The following EXOC4 variants were observed in gnomAD, a reference collection of about 807,000 sequenced individuals.
EXOC4 encodes the protein SEC8-like 1.
A neutral mutation model predicts 107.2 loss-of-function variants in EXOC4; 71 were observed. The observed-to-expected ratio is 0.66, with a 90% CI of 0.55 to 0.81. EXOC4 has a LOEUF of 0.81. Ranked by LOEUF, EXOC4 falls within the 30% of genes least tolerant of loss-of-function variation. The pLI is 0.00. For synonymous variants in EXOC4, 456 were observed against 441.2 expected (o/e 1.03, Z -0.42); for missense variants, 1,108 against 1,189.6 (o/e 0.93, Z 1.01).
chr7:133,989,169 A>G (rs1200260334), intron 14 of EXOC4, among the ~76,000 whole-genome samples: 2 of 152,208 alleles, frequency 1.3e-5, no homozygotes, highest in Admixed American at 6.5e-5. Context: ...TTTGCTAGAG[A>G]GAGTCAAAAA....
chr7:133,758,652 T>C (rs1458267595), intron 10 of EXOC4, among the ~76,000 whole-genome samples: 1 of 152,246 alleles, frequency 6.6e-6, no homozygotes, highest in African/African-American at 2.4e-5. Flanking sequence ...TTCACTTATA[T>C]TTCGAGAATG....
chr7:133,826,231 C>T (rs957769044), intron 11 of EXOC4, among the ~76,000 whole-genome samples: 17 of 152,194 alleles, frequency 1.1e-4, no homozygotes, highest in African/African-American at 3.6e-4. Context: ...TGATAACATT[C>T]GTCCATGTTT....
intron 13 of EXOC4, among the ~76,000 whole-genome samples, chr7:133,935,128 CCCCA>C (rs1172117000): frequency 1.3e-5 from 2 of 151,876 alleles, no homozygotes; most frequent in African/African-American, 2.4e-5. Context: ...TGCACCATTG[CCCCA>C]CCATCTTTGG....
At chr7:133,347,001 A>G (rs752806301) in intron 5 of EXOC4, among the ~76,000 whole-genome samples, 5 of 152,294 alleles carry the variant, frequency 3.3e-5, no homozygotes, top group African/African-American at 7.2e-5. Flanking sequence ...GGTATGGCAT[A>G]TATTACTGAT....
chr7:133,785,704 G>A (rs868582211), intron 10 of EXOC4, among the ~76,000 whole-genome samples: 43 of 149,970 alleles, frequency 2.9e-4, no homozygotes, highest in Non-Finnish European at 4.9e-4. Flanking sequence ...ACGGAGTCTC[G>A]TTCTTTTGCC....
chr7:133,397,462 G>T (rs1252454292), intron 7 of EXOC4, among the ~76,000 whole-genome samples: 8 of 151,974 alleles, frequency 5.3e-5, no homozygotes, highest in Non-Finnish European at 8.8e-5. Flanking sequence ...GTCACCTAAA[G>T]TTGCAGTCTC....
chr7:133,591,547 GGTGTGTGTGTGTGTGTGTGTGCGT>G (rs1801543694), intron 9 of EXOC4, among the ~76,000 whole-genome samples: 1 of 59,180 alleles, frequency 1.7e-5, no homozygotes, highest in Non-Finnish European at 3.6e-5. Flanking sequence ...TTAAAGATCT[GGTGTGTGTGTGTGTGTGTGTGCGT>G]GTGTGTGTGT....
At chr7:133,364,639 A>G (rs1035535999) in intron 6 of EXOC4, among the ~76,000 whole-genome samples, 3 of 152,170 alleles carry the variant, frequency 2.0e-5, no homozygotes, top group Non-Finnish European at 4.4e-5. Context: ...ACAGGACTCT[A>G]TGCCTTAGTT....
intron 10 of EXOC4, among the ~76,000 whole-genome samples, chr7:133,640,008 T>C (rs182782208): frequency 6.6e-6 from 1 of 152,174 alleles, no homozygotes; most frequent in African/African-American, 2.4e-5. Context: ...TAAAAATCTT[T>C]TAAAATTTTT....
At chr7:133,916,995 T>C (rs1303808945) in intron 12 of EXOC4, among the ~76,000 whole-genome samples, 1 of 152,170 alleles carries the variant, frequency 6.6e-6, no homozygotes, top group Non-Finnish European at 1.5e-5. Flanking sequence ...CAGCTCTAGG[T>C]CACTAGTCAG....
At chr7:133,968,256 C>G (rs1423561178) in intron 14 of EXOC4, among the ~76,000 whole-genome samples, 1 of 152,096 alleles carries the variant, frequency 6.6e-6, no homozygotes, top group African/African-American at 2.4e-5. Flanking sequence ...AGATGGGTCT[C>G]CTGAATACAG....
intron 14 of EXOC4, among the ~76,000 whole-genome samples, chr7:133,982,632 A>G (rs1171489934): frequency 1.3e-5 from 2 of 152,198 alleles, no homozygotes; most frequent in East Asian, 3.9e-4. Flanking sequence ...AGGAATTGCC[A>G]TGTATTAGCA....
downstream of EXOC4, among the ~76,000 whole-genome samples, chr7:134,067,634 T>TACACACACACAC (rs375285410): frequency 2.2e-3 from 291 of 133,782 alleles, 1 homozygote; most frequent in African/African-American, 5.3e-3. Context: ...CTTATATATA[T>TACACACACACAC]ATATACACAC....
intron 7 of EXOC4, among the ~76,000 whole-genome samples, chr7:133,409,897 T>C (rs1797318341): frequency 6.6e-6 from 1 of 152,196 alleles, no homozygotes; most frequent in South Asian, 2.1e-4. Context: ...TTAGCTAACA[T>C]TTTAAAATAA....
At chr7:134,029,250 G>C (rs1795213252) in intron 17 of EXOC4, among the ~76,000 whole-genome samples, 1 of 152,124 alleles carries the variant, frequency 6.6e-6, no homozygotes, top group Non-Finnish European at 1.5e-5. Context: ...TATAACTTTT[G>C]CCACCACCCT....
chr7:133,358,269 G>T (rs1332545270), intron 6 of EXOC4, among the ~76,000 whole-genome samples: 1 of 152,120 alleles, frequency 6.6e-6, no homozygotes, highest in Non-Finnish European at 1.5e-5. Context: ...GGGTTTTGGA[G>T]AACAGACCTG....
chr7:133,781,047 C>A (rs1273094705), intron 10 of EXOC4, among the ~76,000 whole-genome samples: 1 of 152,166 alleles, frequency 6.6e-6, no homozygotes, highest in East Asian at 1.9e-4. Flanking sequence ...GAGTCAGCAA[C>A]CCCAACAGGA....
At chr7:133,445,848 C>T (rs981427600) in intron 7 of EXOC4, among the ~76,000 whole-genome samples, 1 of 151,786 alleles carries the variant, frequency 6.6e-6, no homozygotes, top group Non-Finnish European at 1.5e-5. Flanking sequence ...CCCATCTCTA[C>T]AAAAAATACA....
At chr7:133,897,168 G>C (rs1414206786) in intron 12 of EXOC4, among the ~76,000 whole-genome samples, 1 of 151,900 alleles carries the variant, frequency 6.6e-6, no homozygotes, top group Non-Finnish European at 1.5e-5. Context: ...GTTTACGGAA[G>C]ATGAATTTGG....
Sources: gnomAD v4.1 joint callset for allele counts (sites outside exome capture counted in the v4.1 genomes callset) on GRCh38, gnomAD v4.1.1 for gene constraint, MANE v1.5 for transcripts, NCBI Gene and HGNC (gene_info 2026-07-23, HGNC 2026-07-21) for gene names.